The following ADCY9 variants were observed in gnomAD, a reference collection of about 807,000 sequenced individuals.
The protein encoded by ADCY9 is adenylate cyclase 9, also known as adenylate cyclase type 9.
In ADCY9, 50 loss-of-function variants were observed where a neutral mutation model predicts 101.5. The ratio of observed to expected loss-of-function variants is 0.49; its 90% CI spans 0.39 to 0.62. The LOEUF is 0.62. Among genes scored for constraint, ADCY9 ranks in the 20% least tolerant of loss-of-function variants. ADCY9 has a pLI of 0.00. For missense variants in ADCY9, 1,662 were observed against 1,800.4 expected, an observed-to-expected ratio of 0.92 and a Z score of 1.39; for synonymous variants, 905 against 769.3, an observed-to-expected ratio of 1.18 and a Z score of -2.92.
At chr16:4,053,007 A>T (rs1426563859) in intron 2 of ADCY9, among the ~76,000 whole-genome samples, 1 of 152,216 alleles carries the variant, frequency 6.6e-6, no homozygotes, top group Non-Finnish European at 1.5e-5. Flanking sequence ...TCTCCTTAAG[A>T]GACAAACTGA....
chr16:4,109,459 C>T (rs1021504818), intron 2 of ADCY9, among the ~76,000 whole-genome samples: 1 of 152,188 alleles, frequency 6.6e-6, no homozygotes, highest in Non-Finnish European at 1.5e-5. Context: ...AAATGATTTG[C>T]TGAATGAGTA....
intron 2 of ADCY9, among the ~76,000 whole-genome samples, chr16:4,017,871 G>A (rs2056448656): frequency 6.6e-6 from 1 of 152,124 alleles, no homozygotes; most frequent in South Asian, 2.1e-4. Flanking sequence ...AAAAACGCCG[G>A]GCCGACACCC....
chr16:4,041,684 C>A (rs1487779462), intron 2 of ADCY9, among the ~76,000 whole-genome samples: 1 of 150,040 alleles, frequency 6.7e-6, no homozygotes, highest in African/African-American at 2.5e-5. Flanking sequence ...AGAAAATGGG[C>A]AAAGAAAAAG....
downstream of ADCY9, among the ~76,000 whole-genome samples, chr16:3,959,855 A>C (rs913065117): frequency 1.3e-5 from 2 of 150,552 alleles, no homozygotes; most frequent in Non-Finnish European, 1.5e-5. Flanking sequence ...GTGAAACCCT[A>C]TCTCTATTAA....
chr16:4,066,587 G>A (rs77814636), intron 2 of ADCY9, among the ~76,000 whole-genome samples: 6,729 of 152,110 alleles, frequency 0.044, 518 homozygotes, highest in African/African-American at 0.15. Context: ...AGGTCTCGCT[G>A]TTGCCCAGGC....
chr16:4,048,134 G>C lies in ADCY9; in HGVS notation c.1694-40576C>G, dbSNP rs557790496. 6.6e-5 allele frequency among the ~76,000 whole-genome samples: 10 copies of C among 151,712 alleles called. No individual in the cohort carries two copies. The South Asian group carries it at 1.0e-3, about 16-fold the overall frequency. On this transcript the variant is annotated intron_variant, in intron 2 of 10. Coordinates refer to ENST00000294016, the MANE Select transcript of ADCY9 (RefSeq NM_001116.4). ...CTGGTTTCTGTTCCCTGTCATTTTT[G>C]GGGGAGGGTGGGCTGGGGAACACAA... is the stretch of plus-strand genomic sequence containing the variant.
At chr16:3,977,402 G>A in intron 9 of ADCY9, 80 bp downstream of exon 9, 1 of 1,493,714 alleles carries the variant, frequency 6.7e-7, no homozygotes, top group Admixed American at 2.1e-5. Flanking sequence ...GAAGCAATGT[G>A]CAAATGCAGC....
At chr16:3,961,908 C>T (rs530957290), downstream of ADCY9, among the ~76,000 whole-genome samples, 14 of 152,146 alleles carry the variant, frequency 9.2e-5, no homozygotes, top group South Asian at 2.9e-3. Context: ...TGCCTGTAAT[C>T]CCAGCTGCTA....
At chr16:3,989,121 G>A (rs368557336) in intron 5 of ADCY9, 25 bp from the exon 6 acceptor site, 21 of 1,517,876 alleles carry the variant, frequency 1.4e-5, no homozygotes, top group African/African-American at 6.9e-5. Flanking sequence ...AAATGCAGTC[G>A]ATCAATACCC....
intron 2 of ADCY9, among the ~76,000 whole-genome samples, chr16:4,068,375 C>A (rs1459635559): frequency 6.6e-6 from 1 of 151,702 alleles, no homozygotes; most frequent in Non-Finnish European, 1.5e-5. Context: ...TCTAATCCCA[C>A]TGTAAAGAAC....
intron 2 of ADCY9, among the ~76,000 whole-genome samples, chr16:4,108,205 T>C (rs150244486): frequency 1.5e-3 from 234 of 152,146 alleles, no homozygotes; most frequent in Middle Eastern, 6.8e-3. Flanking sequence ...TGACCCTGTA[T>C]CTATGACAGG....
rs1222063056 is a variant in ADCY9, at chr16:4,115,509, A to G, written c.-43-24T>C. The G allele has an allele frequency of 1.1e-5, 16 of 1,460,558 alleles. No homozygotes were observed. Among genetic ancestry groups the G allele is most frequent in the Non-Finnish European group, 1.4e-5 (16 of 1,107,906 alleles). The allele number at this position is 1,460,558 out of a possible 1,614,324, so 90.5% of individuals were successfully genotyped here. A position where few individuals can be genotyped will look rare whatever the true frequency, so the allele number is the denominator to read the frequency against. ...ACCTGCCAGCAAAACGGGGAGAGTT[A>G]GCGGCGCTCCCACCTAGGCATGCAC... On this transcript the variant is annotated intron_variant, in intron 1 of 10. Coordinates refer to ENST00000294016, the MANE Select transcript of ADCY9 (RefSeq NM_001116.4). The surrounding 1 kb of genome is among the most constrained non-coding windows in gnomAD (Gnocchi z 6.2).
chr16:4,001,065 T>G (rs1405656397), intron 3 of ADCY9, among the ~76,000 whole-genome samples: 1 of 149,572 alleles, frequency 6.7e-6, no homozygotes, highest in Non-Finnish European at 1.5e-5. Context: ...GGAAAGACAG[T>G]TCAAGGACTC....
chr16:3,970,882 T>C (rs1198421933), intron 10 of ADCY9, among the ~76,000 whole-genome samples: 1 of 152,108 alleles, frequency 6.6e-6, no homozygotes, highest in Non-Finnish European at 1.5e-5. Context: ...GAAGATGGAC[T>C]GGAGCATGGC....
intron 2 of ADCY9, among the ~76,000 whole-genome samples, chr16:4,086,420 T>C (rs868350424): frequency 3.3e-5 from 5 of 151,910 alleles, no homozygotes; most frequent in African/African-American, 1.2e-4. Flanking sequence ...AGGCCTGTGA[T>C]GAAGGACAAG....
chr16:4,057,097 G>C (rs17136733), intron 2 of ADCY9, among the ~76,000 whole-genome samples: 19,323 of 141,570 alleles, frequency 0.14, 1,363 homozygotes, highest in Middle Eastern at 0.2. Context: ...AAGGGTTTTG[G>C]CATAAAAAAA....
chr16:4,053,181 T>C (rs2056712788), intron 2 of ADCY9, among the ~76,000 whole-genome samples: 2 of 152,158 alleles, frequency 1.3e-5, no homozygotes, highest in Non-Finnish European at 2.9e-5. Flanking sequence ...CACACGCACA[T>C]ACACCAGCGC....
chr16:4,048,495 G>A (rs2056680386), intron 2 of ADCY9, among the ~76,000 whole-genome samples: 3 of 152,130 alleles, frequency 2.0e-5, no homozygotes, highest in Non-Finnish European at 2.9e-5. Context: ...AGTTTATTAT[G>A]AAAATGGATC....
At chr16:4,044,262 G>A (rs908588321) in intron 2 of ADCY9, among the ~76,000 whole-genome samples, 13 of 151,910 alleles carry the variant, frequency 8.6e-5, no homozygotes, top group Non-Finnish European at 1.5e-4. Context: ...CAGGAGAATC[G>A]CTTGAACCCA....
Sources: allele counts gnomAD v4.1 joint callset (sites outside exome capture counted in the v4.1 genomes callset), GRCh38; gene constraint gnomAD v4.1.1; non-coding constraint Gnocchi (gnomAD v3.1); transcripts MANE v1.5; gene names NCBI Gene and HGNC (gene_info 2026-07-23, HGNC 2026-07-21).